Variants in NREP observed in about 807,000 individuals in gnomAD.
NREP encodes neuronal regeneration related protein.
NREP carries 5 observed loss-of-function variants against 8.6 expected under a neutral mutation model. That is an observed-to-expected ratio of 0.58 (90% CI 0.30 to 1.22). The LOEUF (loss-of-function observed/expected upper bound fraction) is 1.22, where lower values mean the gene tolerates loss of function less well. Ranked by LOEUF, NREP falls within the 50% of genes most tolerant of loss-of-function variation. The pLI, the probability that NREP is intolerant of heterozygous loss-of-function variation, is 0.07. For synonymous variants in NREP, 27 were observed against 28.0 expected, an observed-to-expected ratio of 0.96 and a Z score of 0.11; for missense variants, 86 against 82.5, an observed-to-expected ratio of 1.04 and a Z score of -0.17.
intron 2 of NREP, among the ~76,000 whole-genome samples, chr5:111,843,313 T>C (rs1288346940): frequency 1.3e-5 from 2 of 151,902 alleles, no homozygotes; most frequent in Non-Finnish European, 1.5e-5. Context: ...CTTCTTCTGC[T>C]TGATTAAGTT....
intron 2 of NREP, among the ~76,000 whole-genome samples, chr5:111,845,433 A>G (rs1159388661): frequency 6.6e-6 from 1 of 152,256 alleles, no homozygotes; most frequent in Admixed American, 6.5e-5. Flanking sequence ...CATCTTGCTG[A>G]TATCACTCTC....
At chr5:111,896,345 G>C (rs1507846) in intron 2 of NREP, among the ~76,000 whole-genome samples, 58,812 of 151,970 alleles carry the variant, frequency 0.39, 13,975 homozygotes, top group Non-Finnish European at 0.54. Context: ...GGAAGACTAA[G>C]AGAAAAACAG....
intron 2 of NREP, among the ~76,000 whole-genome samples, chr5:111,808,674 G>A (rs1752199163): frequency 1.3e-5 from 2 of 152,052 alleles, no homozygotes. Flanking sequence ...ACTCAATTTC[G>A]ATAATATTCC....
intron 2 of NREP, among the ~76,000 whole-genome samples, chr5:111,829,417 A>G (rs1195043338): frequency 6.6e-6 from 1 of 152,210 alleles, no homozygotes; most frequent in African/African-American, 2.4e-5. Flanking sequence ...TGATTATCAT[A>G]AACATGTTTC....
At chr5:111,920,427 A>C (rs1181368540) in intron 2 of NREP, among the ~76,000 whole-genome samples, 2 of 152,104 alleles carry the variant, frequency 1.3e-5, no homozygotes. Flanking sequence ...CCCTGCATGC[A>C]TTAGCTATTT....
intron 2 of NREP, among the ~76,000 whole-genome samples, chr5:111,782,168 A>G (rs1751508628): frequency 6.6e-6 from 1 of 152,144 alleles, no homozygotes; most frequent in Non-Finnish European, 1.5e-5. Context: ...TACTCCAAAT[A>G]TTTACTGTAA....
In NREP at chr5:111,873,591, C is replaced by CAACTTCA. The variant is rs776573523; in HGVS notation, c.135+101682_135+101683insTGAAGTT. Among the ~76,000 whole-genome samples the CAACTTCA allele has an allele frequency of 1.4e-4, 22 of 152,298 alleles. No homozygotes were observed. The East Asian group carries it at 1.5e-3, about 11-fold the overall frequency. On this transcript the variant is annotated intron_variant, in intron 2 of 3. Transcript: ENST00000395634. Reference sequence around the variant, plus strand: ...CTGGCCCCTTCCTCCATCTTCAAAGCAAGCAATGACTGGTCAAGTCCTTCT... The same window carrying CAACTTCA: ...CTGGCCCCTTCCTCCATCTTCAAAGCAACTTCAAAGCAATGACTGGTCAAGTCCTTCT...
intron 2 of NREP, among the ~76,000 whole-genome samples, chr5:111,957,928 T>G (rs568530170): frequency 6.6e-6 from 1 of 151,976 alleles, no homozygotes; most frequent in African/African-American, 2.4e-5. Flanking sequence ...CTCAATAGAT[T>G]AACGATGAAC....
intron 2 of NREP, among the ~76,000 whole-genome samples, chr5:111,969,030 G>A (rs990401168): frequency 2.0e-5 from 3 of 152,142 alleles, no homozygotes; most frequent in Non-Finnish European, 4.4e-5. Context: ...AGAGTATAAA[G>A]GAATTTGAAA....
upstream of NREP, among the ~76,000 whole-genome samples, chr5:111,760,246 G>A (rs1750930995): frequency 6.6e-6 from 1 of 152,186 alleles, no homozygotes; most frequent in Non-Finnish European, 1.5e-5. Context: ...AACCAGATAT[G>A]TATCCAGACA....
At chr5:111,741,824 T>TACACACAC (rs112980817) in intron 2 of NREP, among the ~76,000 whole-genome samples, 85 of 73,488 alleles carry the variant, frequency 1.2e-3, no homozygotes, top group African/African-American at 2.9e-3. Context: ...AACACACACA[T>TACACACAC]ACACACACAC....
intron 2 of NREP, among the ~76,000 whole-genome samples, chr5:111,745,260 G>A (rs1749928715): frequency 6.6e-6 from 1 of 152,152 alleles, no homozygotes; most frequent in African/African-American, 2.4e-5. Flanking sequence ...AGAACACTGA[G>A]GGAGAATAGT....
At chr5:111,946,769 G>T (rs1755996939) in intron 2 of NREP, among the ~76,000 whole-genome samples, 1 of 151,844 alleles carries the variant, frequency 6.6e-6, no homozygotes, top group Non-Finnish European at 1.5e-5. Flanking sequence ...TTCTAATTTG[G>T]GCAGAATTAG....
intron 2 of NREP, among the ~76,000 whole-genome samples, chr5:111,944,279 C>A (rs989054248): frequency 1.3e-5 from 2 of 151,882 alleles, no homozygotes; most frequent in African/African-American, 2.4e-5. Flanking sequence ...CTCTCCTGTA[C>A]CTATTTTCTC....
In NREP at chr5:111,851,593, C is replaced by T. The variant is rs1169601400; in HGVS notation, c.136-116086G>A. 3.9e-5 allele frequency among the ~76,000 whole-genome samples: 6 copies of T among 152,112 alleles called. No homozygotes were observed. The South Asian group carries it at 6.2e-4, about 16-fold the overall frequency. On this transcript the variant is annotated intron_variant, in intron 2 of 3. Coordinates refer to the NREP transcript ENST00000395634. ...CTTTTGTGACTATTACTGCAATTAA[C>T]GTGAAAGTGCAGAGAGTAGAAGGGT...
intron 2 of NREP, among the ~76,000 whole-genome samples, chr5:111,939,196 C>T (rs374658367): frequency 9.2e-5 from 14 of 152,010 alleles, no homozygotes; most frequent in African/African-American, 3.4e-4. Context: ...GCATGGAACA[C>T]CTCCTAGCAA....
chr5:111,932,060 G>C (rs1225096200), intron 2 of NREP, among the ~76,000 whole-genome samples: 2 of 150,546 alleles, frequency 1.3e-5, no homozygotes, highest in African/African-American at 4.9e-5. Flanking sequence ...AAGAGTGGGG[G>C]AGACTTTGAG....
intron 2 of NREP, among the ~76,000 whole-genome samples, chr5:111,788,429 G>A (rs1294622553): frequency 6.6e-6 from 1 of 152,178 alleles, no homozygotes; most frequent in African/African-American, 2.4e-5. Flanking sequence ...AAACTGAGCT[G>A]TGTCTCTGCT....
At chr5:111,975,171 G>C (rs1756926775) in intron 2 of NREP, 1 of 762,254 alleles carries the variant, frequency 1.3e-6, no homozygotes. Flanking sequence ...GCAATGGTGG[G>C]AATGACTGCA....
Sources: allele counts gnomAD v4.1 joint callset (sites outside exome capture counted in the v4.1 genomes callset), GRCh38; gene constraint gnomAD v4.1.1; transcripts MANE v1.5; gene names NCBI Gene and HGNC (gene_info 2026-07-23, HGNC 2026-07-21).